Variants in TIAM2 observed in about 807,000 individuals in gnomAD.
TIAM2 encodes TIAM Rac1 associated GEF 2, also known as rho guanine nucleotide exchange factor TIAM2.
A neutral mutation model predicts 152.9 loss-of-function variants in TIAM2; 80 were observed. That is an observed-to-expected ratio of 0.52 (90% confidence interval 0.44 to 0.63). The LOEUF (loss-of-function observed/expected upper bound fraction) is 0.63. TIAM2 is among the 30% of genes least tolerant of loss of function. The probability of loss-of-function intolerance (pLI) is 0.00; values close to 1 mark genes in which losing one functional copy is unlikely to be tolerated. For missense variants in TIAM2, 1,965 were observed against 2,120.1 expected, an observed-to-expected ratio of 0.93 and a Z score of 1.44; for synonymous variants, 804 against 838.0, an observed-to-expected ratio of 0.96 and a Z score of 0.70.
intron 9 of TIAM2, among the ~76,000 whole-genome samples, chr6:155,172,197 G>A (rs185463938): frequency 5.3e-5 from 8 of 152,292 alleles, no homozygotes; most frequent in Admixed American, 3.3e-4. Flanking sequence ...AGTCTGGAGT[G>A]ACTGTGGCTG....
chr6:155,073,326 C>G (rs1220571947), intron 1 of TIAM2, among the ~76,000 whole-genome samples: 1 of 151,564 alleles, frequency 6.6e-6, no homozygotes, highest in Non-Finnish European at 1.5e-5. Context: ...CCACACCTGG[C>G]TAATTTTTGT....
At chr6:155,034,557 G>T (rs1301913114) in intron 1 of TIAM2, among the ~76,000 whole-genome samples, 1 of 152,100 alleles carries the variant, frequency 6.6e-6, no homozygotes, top group Non-Finnish European at 1.5e-5. Flanking sequence ...GCCTGGCTAG[G>T]TCCAGTATTT....
chr6:155,256,501 A>C lies in TIAM2; in HGVS notation c.4486A>C (p.Lys1496Gln). 3 of 1,614,216 alleles carry C rather than the reference A, an allele frequency of 1.9e-6. No individual in the cohort carries two copies. Among genetic ancestry groups the C allele is most frequent in the Non-Finnish European group, 2.5e-6 (3 of 1,180,048 alleles). ...CACTGTAGCTTCATCCAGGTCTTTA[A>C]AAGTCCTGAAGAATTCCTCCAGCAA... ...SAKLASSRSL[K>Q]VLKNSSSNEW... The change falls in exon 27 of 27, where the codon AAA (lysine) becomes CAA (glutamine). Residue 1496 changes from lysine (K) to glutamine (Q), a missense_variant. Lys to Gln is a moderately conservative substitution (Grantham distance 53). Transcript: ENST00000682666.
At chr6:155,036,480 G>A (rs1192767226) in intron 1 of TIAM2, among the ~76,000 whole-genome samples, 1 of 141,468 alleles carries the variant, frequency 7.1e-6, no homozygotes, top group Non-Finnish European at 1.5e-5. Flanking sequence ...GTTTCAGTGA[G>A]CCAAGATTGT....
At chr6:155,189,024 A>G (rs998076936) in intron 14 of TIAM2, among the ~76,000 whole-genome samples, 1 of 152,140 alleles carries the variant, frequency 6.6e-6, no homozygotes, top group Non-Finnish European at 1.5e-5. Context: ...CGCTGTGAGT[A>G]GCGTTGAGTC....
intron 14 of TIAM2, among the ~76,000 whole-genome samples, chr6:155,203,536 G>A (rs748201532): frequency 2.0e-5 from 3 of 152,192 alleles, no homozygotes; most frequent in Admixed American, 6.5e-5. Flanking sequence ...TGTCAGAGAC[G>A]TGTAACTCTA....
At chr6:155,130,947 A>G (rs1297077407) in intron 4 of TIAM2, among the ~76,000 whole-genome samples, 1 of 144,566 alleles carries the variant, frequency 6.9e-6, no homozygotes, top group Non-Finnish European at 1.5e-5. Flanking sequence ...AATATCATCC[A>G]CTGGTAGTTA....
At chr6:155,123,538 T>A (rs945530427) in intron 2 of TIAM2, among the ~76,000 whole-genome samples, 2 of 152,104 alleles carry the variant, frequency 1.3e-5, no homozygotes, top group Non-Finnish European at 2.9e-5. Context: ...AAATATCCCA[T>A]GAAATAAAAA....
chr6:155,179,286 G>A, intron 11 of TIAM2, 92 bp from the exon 12 acceptor site: 1 of 1,468,536 alleles, frequency 6.8e-7, no homozygotes, highest in Non-Finnish European at 9.5e-7. Flanking sequence ...TATCTTAACA[G>A]CTTTCTTGTT....
At chr6:155,233,288 T>C (rs1782573155) in intron 15 of TIAM2, among the ~76,000 whole-genome samples, 1 of 152,206 alleles carries the variant, frequency 6.6e-6, no homozygotes, top group Non-Finnish European at 1.5e-5. Flanking sequence ...AAAGTTGTTG[T>C]GATCAAGGGA....
intron 1 of TIAM2, among the ~76,000 whole-genome samples, chr6:155,056,386 G>C (rs1205185456): frequency 6.6e-6 from 1 of 152,028 alleles, no homozygotes; most frequent in African/African-American, 2.4e-5. Flanking sequence ...TGGCCAGGCT[G>C]ATCATGAACT....
Position 155,059,282 on chromosome 6 carries a change from CTGTGTGTGTGTCTG to C in TIAM2, c.-208-30995_-208-30982del, listed in dbSNP as rs1284264561. 5.5e-3 allele frequency among the ~76,000 whole-genome samples: 788 copies of C among 144,202 alleles called. 3 individuals carry two copies. The highest frequency in any genetic ancestry group is 0.016 in the African/African-American group (611 of 37,722). The allele number at this position is 144,202 out of a possible 152,430, so 94.6% of individuals were successfully genotyped here. ...CGGGAATTTAGTGGAATGTCCCTTTCTGTGTGTGTGTCTGTGTGTGTGTGTGTGTGTGTGTGTGT... is the reference window on the plus strand; with the variant it reads ...CGGGAATTTAGTGGAATGTCCCTTTCTGTGTGTGTGTGTGTGTGTGTGTGT... On this transcript the variant is annotated intron_variant, in intron 1 of 26. Coordinates refer to ENST00000682666, the MANE Select transcript of TIAM2 (RefSeq NM_012454.4).
chr6:155,131,831 G>A (rs1779455110), intron 4 of TIAM2, among the ~76,000 whole-genome samples: 2 of 151,936 alleles, frequency 1.3e-5, no homozygotes, highest in South Asian at 4.2e-4. Context: ...CACCTGCCTC[G>A]GCCTCCCAAC....
rs545488093 is a variant in TIAM2, at chr6:155,252,953, G to T, written c.4125G>T (p.Ser1375=). Residue 1375 remains serine (S), a synonymous_variant, in exon 24 of 27, where the codon TCG becomes TCT. Transcript: ENST00000682666. Reference sequence around the variant, plus strand: ...GGTGGGCCTTCATGTTACAGCCCTCGAATTCCCGGCCTGCACACAACTCTA... The same window carrying T: ...GGTGGGCCTTCATGTTACAGCCCTCTAATTCCCGGCCTGCACACAACTCTA... The part of the protein sequence containing the change: ...ENCKLKKKLP[S]NSRPAHNSTD... 17 of 1,613,966 alleles carry T rather than the reference G, an allele frequency of 1.1e-5. 1 individual carries two copies. In the South Asian group the frequency reaches 1.8e-4, roughly 17 times the overall value.
Position 155,129,696 on chromosome 6 carries a change from G to A in TIAM2, c.473G>A (p.Ser158Asn). The A allele has an allele frequency of 8.1e-6, 13 of 1,614,070 alleles. No individual in the cohort carries two copies. Among genetic ancestry groups the A allele is most frequent in the Non-Finnish European group, 1.1e-5 (13 of 1,180,022 alleles). Residue 158 changes from serine to asparagine, a missense_variant, in exon 4 of 27, where the codon AGC (serine) becomes AAC (asparagine). Ser to Asn is a conservative substitution (Grantham distance 46, BLOSUM62 1). Around this residue, in one of 3 missense-constraint regions of TIAM2, gnomAD observed 1,025 missense variants for 1,119.4 expected, o/e 0.92. Transcript: ENST00000682666. This position sits in a 1 kb window ranked among gnomAD's most constrained non-coding sequence, Gnocchi z 4.8. ...ASTPPGEDRK[S>N]PRVLIKTLGK... ...ACCCCACCGGGCGAAGACCGCAAGA[G>A]CCCCCGAGTGCTCATCAAAACGCTG...
intron 1 of TIAM2, among the ~76,000 whole-genome samples, chr6:155,075,551 A>G (rs1583178459): frequency 6.6e-6 from 1 of 152,232 alleles, no homozygotes; most frequent in East Asian, 1.9e-4. Flanking sequence ...AGAAGGAGAG[A>G]ATAAAGGTTG....
Position 155,254,441 on chromosome 6 carries a change from A to ATTG in TIAM2, c.4339_4341dup (p.Val1447dup). The ATTG allele has an allele frequency of 6.2e-7, 1 of 1,612,978 alleles. No individual in the cohort carries two copies. The highest frequency in any genetic ancestry group is 8.5e-7 in the Non-Finnish European group (1 of 1,179,034). ...CAGTGACAGTGAAAGCAAAACCAACATTGTTAAGGTGATTCGTTCTATTCT... is the reference window on the plus strand; with the variant it reads ...CAGTGACAGTGAAAGCAAAACCAACATTGTTGTTAAGGTGATTCGTTCTATTCT... On this transcript the variant is annotated inframe_insertion, in exon 26 of 27. Transcript: ENST00000682666.
At position 155,151,115 on chromosome 6, in the gene TIAM2, G is replaced by A. The variant is rs571763255; in HGVS notation, c.2028+2781G>A. 3.3e-5 allele frequency among the ~76,000 whole-genome samples: 5 copies of A among 152,302 alleles called. No homozygotes were observed. In the East Asian group the frequency reaches 7.7e-4, roughly 24 times the overall value. On this transcript the variant is annotated intron_variant, in intron 7 of 26. Coordinates refer to ENST00000682666, the MANE Select transcript of TIAM2 (RefSeq NM_012454.4). ...CCTGGTATCAAGGCTGGAATGTTGA[G>A]GCTGAAGCATTCAGTCAAGGAGATG... is the stretch of plus-strand genomic sequence containing the variant.
At chr6:155,128,220 A>G (rs1779341713) in intron 3 of TIAM2, among the ~76,000 whole-genome samples, 1 of 152,182 alleles carries the variant, frequency 6.6e-6, no homozygotes, top group Non-Finnish European at 1.5e-5. Context: ...TAAAGTGAAG[A>G]TACCTGAAGT....
Sources: gnomAD v4.1 joint callset for allele counts (sites outside exome capture counted in the v4.1 genomes callset) on GRCh38, gnomAD v4.1.1 for gene constraint, gnomAD v4.1.1 regional missense constraint, Gnocchi (gnomAD v3.1) non-coding constraint, MANE v1.5 for transcripts, NCBI Gene and HGNC (gene_info 2026-07-23, HGNC 2026-07-21) for gene names.